VRK2: variants seen among roughly 807,000 people sequenced by gnomAD.
VRK2 encodes the protein VRK serine/threonine kinase 2, also known as serine/threonine-protein kinase VRK2.
In VRK2, 60 loss-of-function variants were observed where a neutral mutation model predicts 57.6. That is an observed-to-expected ratio of 1.04 (90% confidence interval 0.85 to 1.29). VRK2 has a LOEUF of 1.29. Among genes scored for constraint, VRK2 ranks in the 50% most tolerant of loss-of-function variants. The pLI is 0.00. For synonymous variants in VRK2, 231 were observed against 199.2 expected, an observed-to-expected ratio of 1.16 and a Z score of -1.35; for missense variants, 705 against 588.1, an observed-to-expected ratio of 1.20 and a Z score of -2.06.
intron 8 of VRK2, among the ~76,000 whole-genome samples, chr2:58,126,770 C>T (rs1377137230): frequency 1.3e-5 from 2 of 151,884 alleles, no homozygotes; most frequent in African/African-American, 4.8e-5. Context: ...TAAAAACTAA[C>T]ATGTATAAAC....
exon 3 of VRK2, chr2:58,033,365 G>A (rs1674175117): frequency 6.6e-6 from 1 of 151,948 alleles, no homozygotes; most frequent in Admixed American, 6.6e-5. Context: ...GAAGAAGGAG[G>A]GTTCAAGGCA....
At chr2:58,047,855 A>C (rs1045077037) in intron 1 of VRK2, among the ~76,000 whole-genome samples, 1 of 152,232 alleles carries the variant, frequency 6.6e-6, no homozygotes, top group African/African-American at 2.4e-5. Flanking sequence ...CGTTAAAGGA[A>C]AAACAGATAC....
intron 7 of VRK2, among the ~76,000 whole-genome samples, chr2:58,093,778 T>C (rs1672721380): frequency 6.7e-6 from 1 of 149,784 alleles, no homozygotes; most frequent in South Asian, 2.1e-4. Context: ...GGTTTTCTTC[T>C]AGGGTTTTTA....
intron 7 of VRK2, among the ~76,000 whole-genome samples, chr2:58,112,266 G>A (rs1211528121): frequency 2.6e-5 from 4 of 152,156 alleles, no homozygotes; most frequent in African/African-American, 9.7e-5. Flanking sequence ...GTGCTACCAG[G>A]CTGGATGTGT....
At chr2:58,043,319 C>T (rs546156222), upstream of VRK2, among the ~76,000 whole-genome samples, 1 of 152,080 alleles carries the variant, frequency 6.6e-6, no homozygotes, top group East Asian at 1.9e-4. Context: ...TCTTTTAAAT[C>T]GATTTTATTA....
chr2:57,935,343 G>A (rs769753076), intron 1 of VRK2, among the ~76,000 whole-genome samples: 1 of 152,102 alleles, frequency 6.6e-6, no homozygotes, highest in Admixed American at 6.6e-5. Context: ...GAATTCTTAA[G>A]ACTGTATGCC....
intron 1 of VRK2, chr2:58,047,170 T>G: frequency 3.4e-6 from 1 of 292,108 alleles, no homozygotes; most frequent in Non-Finnish European, 5.1e-6. Context: ...AGAGAACTTG[T>G]GGCGGGAAGT....
At chr2:58,088,157 T>C (rs1671895362) in intron 5 of VRK2, among the ~76,000 whole-genome samples, 184 bp from the exon 6 acceptor site, 2 of 152,206 alleles carry the variant, frequency 1.3e-5, no homozygotes, top group Non-Finnish European at 2.9e-5. Flanking sequence ...AGCTGCAAAG[T>C]AAATATTGAG....
intron 12 of VRK2, 130 bp downstream of exon 12, chr2:58,146,604 A>T: frequency 1.9e-6 from 2 of 1,052,734 alleles, no homozygotes; most frequent in South Asian, 3.8e-5. Flanking sequence ...GAAGGGACAG[A>T]AAATATCCTA....
chr2:58,156,253 C>T (rs1304828850), intron 12 of VRK2, among the ~76,000 whole-genome samples: 2 of 151,938 alleles, frequency 1.3e-5, no homozygotes, highest in African/African-American at 4.8e-5. Flanking sequence ...AAGAAGTTAG[C>T]AGTTATTCTT....
chr2:58,084,280 C>T, intron 3 of VRK2, 142 bp downstream of exon 3: 3 of 837,872 alleles, frequency 3.6e-6, no homozygotes, highest in Non-Finnish European at 5.2e-6. Flanking sequence ...GTTGTTAAAA[C>T]ATTAAAACTG....
intron 1 of VRK2, among the ~76,000 whole-genome samples, chr2:57,945,363 A>G (rs1324581338): frequency 6.6e-6 from 1 of 151,974 alleles, no homozygotes; most frequent in Non-Finnish European, 1.5e-5. Flanking sequence ...TGTGTAAATG[A>G]CTCTTGCCTA....
intron 1 of VRK2, among the ~76,000 whole-genome samples, chr2:58,005,745 T>C (rs1416096336): frequency 1.3e-5 from 2 of 152,122 alleles, no homozygotes; most frequent in Non-Finnish European, 2.9e-5. Flanking sequence ...AGCAAGGGCA[T>C]TGATTGGGAA....
chr2:58,016,518 A>C (rs1008195199), intron 1 of VRK2, among the ~76,000 whole-genome samples: 24 of 151,884 alleles, frequency 1.6e-4, no homozygotes, highest in African/African-American at 5.8e-4. Context: ...ATACCCGGCT[A>C]AGTTTTGTAT....
intron 2 of VRK2, among the ~76,000 whole-genome samples, chr2:58,068,237 A>G (rs1668894149): frequency 6.6e-6 from 1 of 152,078 alleles, no homozygotes. Context: ...TTTCTTTAGA[A>G]ATTCTTAACA....
intron 1 of VRK2, among the ~76,000 whole-genome samples, chr2:57,990,651 A>G (rs1672735309): frequency 6.6e-6 from 1 of 152,232 alleles, no homozygotes; most frequent in South Asian, 2.1e-4. Context: ...GCAATCATTC[A>G]ATCAATTAAA....
intron 2 of VRK2, among the ~76,000 whole-genome samples, chr2:58,070,079 A>G (rs529584054): frequency 4.0e-4 from 61 of 152,142 alleles, no homozygotes; most frequent in Admixed American, 1.0e-3. Context: ...CTGTTGTTAT[A>G]GTTTTCTTTA....
rs79832463 is a variant in VRK2 at position 58,034,790 on chromosome 2, CA to C, written c.-6+1248del. 3.8e-4 allele frequency among the ~76,000 whole-genome samples: 54 copies of C among 141,826 alleles called. 1 individual carries two copies. Among genetic ancestry groups the C allele is most frequent in the Admixed American group, 1.5e-3 (22 of 14,292 alleles). 93.0% of individuals were successfully genotyped at this position (141,826 alleles called of 152,430 possible). On this transcript the variant is annotated intron_variant, in intron 3 of 15. Transcript: ENST00000417641. ...GAGGTTTTTTTTAAAAAACAAAAAA[CA>C]AAAAAAAAAACTTCACTTATTCCTT...
At chr2:58,133,243 T>C (rs1396689459) in intron 9 of VRK2, among the ~76,000 whole-genome samples, 2 of 152,068 alleles carry the variant, frequency 1.3e-5, no homozygotes, top group Non-Finnish European at 2.9e-5. Flanking sequence ...TAATAGGATG[T>C]CATATAAAAT....
Sources: allele counts gnomAD v4.1 joint callset (sites outside exome capture counted in the v4.1 genomes callset), GRCh38; gene constraint gnomAD v4.1.1; transcripts MANE v1.5; gene names NCBI Gene and HGNC (gene_info 2026-07-23, HGNC 2026-07-21).